Variants in DPEP1 observed in about 807,000 individuals in gnomAD.
DPEP1 encodes the protein dipeptidase 1.
In DPEP1, 50 loss-of-function variants were observed where a neutral mutation model predicts 42.3. The observed-to-expected ratio is 1.18, with a 90% confidence interval of 0.94 to 1.50. DPEP1 has a LOEUF of 1.50. Ranked by LOEUF, DPEP1 falls within the 40% of genes most tolerant of loss-of-function variation. The pLI is 0.00. For synonymous variants in DPEP1, 297 were observed against 234.0 expected (o/e 1.27, Z -2.46); for missense variants, 663 against 553.0 (o/e 1.20, Z -1.99).
chr16:89,613,952 C>T (rs1219425873), intron 1 of DPEP1, among the ~76,000 whole-genome samples: 1 of 46,912 alleles, frequency 2.1e-5, no homozygotes, highest in African/African-American at 6.9e-5. Context: ...GGGCAGGGGA[C>T]GAGGCAGCTT....
intron 8 of DPEP1, 21 bp from the exon 9 acceptor site, chr16:89,637,611 T>A: frequency 6.2e-7 from 1 of 1,612,824 alleles, no homozygotes. Context: ...TCGGGACCCA[T>A]ACCTGCTGCT....
chr16:89,618,163 C>G (rs1016857508), intron 1 of DPEP1, among the ~76,000 whole-genome samples: 1 of 152,118 alleles, frequency 6.6e-6, no homozygotes, highest in Admixed American at 6.5e-5. Context: ...TAGGATTTAA[C>G]TCATACAGAA....
chr16:89,635,558 C>T (rs2151500286), intron 2 of DPEP1, among the ~76,000 whole-genome samples: 1 of 152,328 alleles, frequency 6.6e-6, no homozygotes, highest in East Asian at 1.9e-4. Flanking sequence ...CCCCTCACGT[C>T]TCCAATCCTG....
intron 2 of DPEP1, among the ~76,000 whole-genome samples, chr16:89,631,605 C>G (rs1414679904): frequency 1.3e-5 from 2 of 152,186 alleles, no homozygotes; most frequent in Admixed American, 6.5e-5. Context: ...CCTGTAATCC[C>G]AGCACTTTGG....
chr16:89,627,617 G>C (rs940818480), intron 1 of DPEP1, among the ~76,000 whole-genome samples: 4 of 149,290 alleles, frequency 2.7e-5, no homozygotes, highest in African/African-American at 4.9e-5. Context: ...AGAGGGAAAG[G>C]AAGGGCAGGG....
intron 6 of DPEP1, 94 bp from the exon 7 acceptor site, chr16:89,637,110 A>G (rs1055359152): frequency 2.2e-5 from 34 of 1,540,792 alleles, no homozygotes; most frequent in Non-Finnish European, 2.9e-5. Context: ...ACTTCCAGCC[A>G]CGAAGGATGA....
intron 2 of DPEP1, 74 bp from the exon 3 acceptor site, chr16:89,635,834 G>A: frequency 6.7e-7 from 1 of 1,503,314 alleles, no homozygotes; most frequent in Non-Finnish European, 8.8e-7. Flanking sequence ...GAGCAGCCCA[G>A]AGGCCAGGAG....
Position 89,637,539 on chromosome 16 carries a change from G to T in DPEP1, c.840G>T (p.Leu280=), listed in dbSNP as rs1264090676. The part of the protein sequence containing the change: ...NYISCTNKAN[L]SQVADHLDHI... ...TTTCCTGCACCAACAAGGCCAACCT[G>T]TCCCAAGTGGCCGGTAGGTGGGGTG... is the stretch of plus-strand genomic sequence containing the variant. Residue 280 remains leucine (L), a synonymous_variant, in exon 8 of 11, where the codon CTG becomes CTT. Coordinates refer to ENST00000690203, the MANE Select transcript of DPEP1 (RefSeq NM_001389466.1). 1.2e-6 allele frequency: 2 copies of T among 1,612,756 alleles called. No individual in the cohort carries two copies. The highest frequency in any genetic ancestry group is 1.7e-6 in the Non-Finnish European group (2 of 1,179,948).
At chr16:89,615,547 C>T (rs953397611) in intron 1 of DPEP1, among the ~76,000 whole-genome samples, 5 of 152,214 alleles carry the variant, frequency 3.3e-5, no homozygotes, top group African/African-American at 7.2e-5. Flanking sequence ...AAGGGCAGGA[C>T]ACCCATGGAA....
At chr16:89,636,507 C>A (rs1350235076) in intron 4 of DPEP1, 26 bp from the exon 5 acceptor site, 2 of 1,608,668 alleles carry the variant, frequency 1.2e-6, no homozygotes, top group African/African-American at 1.3e-5. Context: ...GGTGCCCACT[C>A]CCCTGCACCC....
At chr16:89,614,738 T>G (rs1266437143) in intron 1 of DPEP1, among the ~76,000 whole-genome samples, 1 of 152,146 alleles carries the variant, frequency 6.6e-6, no homozygotes, top group African/African-American at 2.4e-5. Flanking sequence ...GAGGTTGCGG[T>G]GAGCTGAGAT....
chr16:89,615,919 C>G (rs934710626), intron 1 of DPEP1, among the ~76,000 whole-genome samples: 3 of 152,118 alleles, frequency 2.0e-5, no homozygotes, highest in Non-Finnish European at 4.4e-5. Flanking sequence ...GCCCATTTCA[C>G]AGATACTGAG....
At chr16:89,629,510 C>A (rs28710276) in intron 1 of DPEP1, among the ~76,000 whole-genome samples, 1 of 7,664 alleles carries the variant, frequency 1.3e-4, no homozygotes, top group Non-Finnish European at 2.7e-4. Context: ...GCTCCCCCCA[C>A]CCCCCCCCGA....
intron 1 of DPEP1, among the ~76,000 whole-genome samples, chr16:89,618,629 A>G (rs2059405664): frequency 1.3e-5 from 2 of 151,990 alleles, no homozygotes; most frequent in Admixed American, 6.5e-5. Flanking sequence ...CAGCTTCCCA[A>G]GTAACTGTGA....
In DPEP1 at chr16:89,638,352, G is replaced by T; in HGVS notation, c.*130G>T. On this transcript the variant is annotated 3_prime_UTR_variant, in exon 11 of 11. Coordinates refer to ENST00000690203, the MANE Select transcript of DPEP1 (RefSeq NM_001389466.1). ...CAGCATCTCCTGAGAGGACGCCTGG[G>T]CTTACCTGGGGGGCAGGATGCCTGG... 2 of 1,426,752 alleles carry T rather than the reference G, an allele frequency of 1.4e-6. No individual in the cohort carries two copies. The highest frequency in any genetic ancestry group is 3.1e-5 in the South Asian group (2 of 64,982). 88.4% of individuals were successfully genotyped at this position (1,426,752 alleles called of 1,614,324 possible).
At chr16:89,639,952 G>A (rs942633273), downstream of DPEP1, among the ~76,000 whole-genome samples, 7 of 152,184 alleles carry the variant, frequency 4.6e-5, no homozygotes, top group African/African-American at 1.7e-4. Context: ...TGGGATTACA[G>A]GCGTGAGCTG....
rs376314788 is a variant in DPEP1, at chr16:89,637,546, G to A, written c.847G>A (p.Val283Met). ...CACCAACAAGGCCAACCTGTCCCAA[G>A]TGGCCGGTAGGTGGGGTGTGAGCGG... Reference protein sequence around the residue: ...SCTNKANLSQVADHLDHIKEV... With the variant: ...SCTNKANLSQMADHLDHIKEV... The change falls in exon 8 of 11, where the codon GTG (valine) becomes ATG (methionine). Residue 283 changes from valine (V) to methionine (M), a missense_variant. Coordinates refer to ENST00000690203, the MANE Select transcript of DPEP1 (RefSeq NM_001389466.1). The A allele has an allele frequency of 3.7e-6, 6 of 1,612,764 alleles. No individual in the cohort carries two copies. In the African/African-American group the frequency reaches 5.3e-5, roughly 14 times the overall value.
intron 1 of DPEP1, among the ~76,000 whole-genome samples, chr16:89,625,791 C>T (rs2059504021): frequency 6.6e-6 from 1 of 152,210 alleles, no homozygotes; most frequent in Admixed American, 6.5e-5. Context: ...GTGCTCACAG[C>T]AGGACTGTCG....
intron 1 of DPEP1, among the ~76,000 whole-genome samples, chr16:89,616,037 C>T (rs1387260183): frequency 2.6e-5 from 4 of 151,786 alleles, no homozygotes; most frequent in African/African-American, 9.7e-5. Context: ...CACACCACTG[C>T]ACTCCAGCCT....
Sources: gnomAD v4.1 joint callset for allele counts (sites outside exome capture counted in the v4.1 genomes callset) on GRCh38, gnomAD v4.1.1 for gene constraint, MANE v1.5 for transcripts, NCBI Gene and HGNC (gene_info 2026-07-23, HGNC 2026-07-21) for gene names.